TSPAN18: variants seen among roughly 807,000 people sequenced by gnomAD.
TSPAN18 encodes the protein tetraspanin-18.
A neutral mutation model predicts 27.3 loss-of-function variants in TSPAN18; 14 were observed. The ratio of observed to expected loss-of-function variants is 0.51; its 90% CI spans 0.34 to 0.80. The LOEUF (loss-of-function observed/expected upper bound fraction) is 0.80. Among genes scored for constraint, TSPAN18 ranks in the 30% least tolerant of loss-of-function variants. The pLI, the probability that TSPAN18 is intolerant of heterozygous loss-of-function variation, is 0.01. For synonymous variants in TSPAN18, 143 were observed against 136.5 expected (o/e 1.05, Z -0.33); for missense variants, 268 against 323.9 (o/e 0.83, Z 1.32).
At chr11:44,862,043 G>A (rs1385371145) in intron 3 of TSPAN18, among the ~76,000 whole-genome samples, 2 of 152,106 alleles carry the variant, frequency 1.3e-5, no homozygotes, top group East Asian at 3.9e-4. Context: ...CATGGCTGAG[G>A]GGAGTTTCTT....
chr11:44,865,850 T>C (rs1858021727), intron 3 of TSPAN18, among the ~76,000 whole-genome samples: 2 of 152,142 alleles, frequency 1.3e-5, no homozygotes, highest in South Asian at 4.1e-4. Flanking sequence ...TTAGGCAGCC[T>C]GGCTTCCCCA....
chr11:44,878,055 C>G (rs561599449), intron 3 of TSPAN18, among the ~76,000 whole-genome samples: 21 of 151,970 alleles, frequency 1.4e-4, no homozygotes, highest in African/African-American at 5.1e-4. Context: ...TGAATTAAGA[C>G]GTCATCTGGC....
chr11:44,784,650 C>A (rs1463798767), intron 2 of TSPAN18, among the ~76,000 whole-genome samples: 1 of 152,140 alleles, frequency 6.6e-6, no homozygotes, highest in Non-Finnish European at 1.5e-5. Flanking sequence ...AAGCTGCCAC[C>A]CCCACCTTGT....
intron 1 of TSPAN18, among the ~76,000 whole-genome samples, chr11:44,762,437 A>G (rs1442266563): frequency 1.3e-5 from 2 of 152,246 alleles, no homozygotes; most frequent in Non-Finnish European, 2.9e-5. Context: ...ACACACATGC[A>G]TACACGTATT....
chr11:44,906,344 G>C, intron 3 of TSPAN18, 63 bp from the exon 4 acceptor site: 1 of 1,471,884 alleles, frequency 6.8e-7, no homozygotes, highest in Middle Eastern at 1.8e-4. Context: ...CCTGGGGAGG[G>C]GCTGGGGTTC....
In TSPAN18 at chr11:44,900,787, G is replaced by A. The variant is rs537629379; in HGVS notation, c.-10-5620G>A. The stretch of plus-strand genomic sequence containing the variant: ...CGGCTCACTGCCACCTCTTCCTCCT[G>A]GGTTCAAGCAATTCTCCTGCCTCAG... On this transcript the variant is annotated intron_variant, in intron 3 of 9. Coordinates refer to ENST00000520358, the MANE Select transcript of TSPAN18 (RefSeq NM_130783.5). 1.0e-3 allele frequency among the ~76,000 whole-genome samples: 146 copies of A among 139,992 alleles called. 1 individual carries two copies. Among genetic ancestry groups the A allele is most frequent in the African/African-American group, 3.6e-3 (136 of 37,648 alleles). 91.8% of individuals were successfully genotyped at this position (139,992 alleles called of 152,430 possible). A position where few individuals can be genotyped will look rare whatever the true frequency, so the allele number is the denominator to read the frequency against.
chr11:44,908,746 G>GAA (rs1428038181), intron 4 of TSPAN18, among the ~76,000 whole-genome samples: 2 of 53,678 alleles, frequency 3.7e-5, no homozygotes, highest in African/African-American at 1.3e-4. Flanking sequence ...AAGAAAGAAA[G>GAA]AGAGAGAGAG....
At chr11:44,750,581 C>T (rs1855187767) in intron 1 of TSPAN18, among the ~76,000 whole-genome samples, 1 of 136,116 alleles carries the variant, frequency 7.3e-6, no homozygotes, top group Non-Finnish European at 1.6e-5. Flanking sequence ...CTTCCCACAT[C>T]CCCCCTTTTG....
At position 44,893,278 on chromosome 11, in the gene TSPAN18, G is replaced by A. The variant is rs535365293; in HGVS notation, c.-10-13129G>A. The stretch of plus-strand genomic sequence containing the variant: ...CTTGACATTCACAGCTCCATGAGCC[G>A]GCGGGGGCAGGGGAGGCTGTCATTT... On this transcript the variant is annotated intron_variant, in intron 3 of 9. Transcript: ENST00000520358. Among the ~76,000 whole-genome samples the A allele has an allele frequency of 2.7e-3, 405 of 152,250 alleles. 3 individuals carry two copies. Among genetic ancestry groups the A allele is most frequent in the African/African-American group, 9.5e-3 (394 of 41,534 alleles).
At chr11:44,878,951 C>T (rs73454512) in intron 3 of TSPAN18, among the ~76,000 whole-genome samples, 2,796 of 152,276 alleles carry the variant, frequency 0.018, 69 homozygotes, top group African/African-American at 0.063. Flanking sequence ...CCCTCAGCAG[C>T]ACGATGGAAA....
At chr11:44,806,348 T>C (rs1856593609) in intron 2 of TSPAN18, among the ~76,000 whole-genome samples, 1 of 152,228 alleles carries the variant, frequency 6.6e-6, no homozygotes, top group Admixed American at 6.5e-5. Flanking sequence ...ATTTAAAGCA[T>C]TGTTATACTG....
At chr11:44,799,328 A>T (rs1182358512) in intron 2 of TSPAN18, among the ~76,000 whole-genome samples, 2 of 152,086 alleles carry the variant, frequency 1.3e-5, no homozygotes, top group Non-Finnish European at 1.5e-5. Flanking sequence ...CCAACTTCGG[A>T]GCGGCCACTG....
chr11:44,914,972 T>A (rs1859851850), intron 5 of TSPAN18, among the ~76,000 whole-genome samples: 1 of 152,208 alleles, frequency 6.6e-6, no homozygotes, highest in African/African-American at 2.4e-5. Flanking sequence ...CGCACCTGCA[T>A]TACCTCGTGG....
intron 3 of TSPAN18, among the ~76,000 whole-genome samples, chr11:44,866,716 C>T (rs1300238819): frequency 1.3e-5 from 2 of 152,212 alleles, no homozygotes; most frequent in Admixed American, 1.3e-4. Context: ...CCACCCCTCC[C>T]CTCAAGCCTG....
chr11:44,894,433 C>T (rs919408307), intron 3 of TSPAN18, among the ~76,000 whole-genome samples: 1 of 152,222 alleles, frequency 6.6e-6, no homozygotes, highest in Non-Finnish European at 1.5e-5. Flanking sequence ...CTTGTCCGGC[C>T]GCCTCCTTTC....
rs2135072390 is a variant in TSPAN18, at chr11:44,802,363, G to T, written c.-153+37851G>T. On this transcript the variant is annotated intron_variant, in intron 2 of 9. Coordinates refer to ENST00000520358, the MANE Select transcript of TSPAN18 (RefSeq NM_130783.5). ...TGGGAGATGGAGTGAGGGGGTAGTG[G>T]TGGGGGCTGCAGGGCCTTGAAGAGT... Among the ~76,000 whole-genome samples, 4 of 151,966 alleles carry T rather than the reference G, an allele frequency of 2.6e-5. No homozygotes were observed. The Middle Eastern group carries it at 0.01, about 388-fold the overall frequency.
chr11:44,733,816 C>G (rs567302496), intron 1 of TSPAN18, among the ~76,000 whole-genome samples: 20 of 152,298 alleles, frequency 1.3e-4, no homozygotes, highest in African/African-American at 3.8e-4. Context: ...ACCTGCAGCT[C>G]CCATCCACCT....
chr11:44,907,684 T>G (rs1859503064), intron 4 of TSPAN18, among the ~76,000 whole-genome samples: 2 of 152,114 alleles, frequency 1.3e-5, no homozygotes. Flanking sequence ...GTGTTTAGCA[T>G]GCAGTTGCTG....
chr11:44,856,056 TG>T (rs1355741041), intron 2 of TSPAN18, among the ~76,000 whole-genome samples: 1 of 151,878 alleles, frequency 6.6e-6, no homozygotes, highest in Non-Finnish European at 1.5e-5. Context: ...GCTAATTTTT[TG>T]TATTTTTAGT....
Sources: gnomAD v4.1 joint callset for allele counts (sites outside exome capture counted in the v4.1 genomes callset) on GRCh38, gnomAD v4.1.1 for gene constraint, MANE v1.5 for transcripts, NCBI Gene and HGNC (gene_info 2026-07-23, HGNC 2026-07-21) for gene names.